BCOR: variants seen among roughly 807,000 people sequenced by gnomAD.
The protein encoded by BCOR is BCL6 corepressor.
BCOR carries 10 observed loss-of-function variants against 86.7 expected under a neutral mutation model. The observed-to-expected ratio is 0.12, with a 90% CI of 0.07 to 0.20. The LOEUF (loss-of-function observed/expected upper bound fraction) is 0.20. Among genes scored for constraint, BCOR ranks in the 10% least tolerant of loss-of-function variants. BCOR has a pLI of 1.00. For missense variants in BCOR, 1,259 were observed against 1,452.1 expected, an observed-to-expected ratio of 0.87 and a Z score of 2.16; for synonymous variants, 611 against 609.0, an observed-to-expected ratio of 1.00 and a Z score of -0.05.
intron 1 of BCOR, among the ~76,000 whole-genome samples, chrX:40,135,139 G>T (rs987625293): frequency 2.7e-5 from 3 of 111,604 alleles, no homozygotes; most frequent in Non-Finnish European, 3.8e-5. Flanking sequence ...CGAATCTTTG[G>T]CCAGCTCATA....
intron 7 of BCOR, 84 bp from the exon 8 acceptor site, chrX:40,064,036 AG>A (rs1195662820): frequency 3.1e-4 from 37 of 121,084 alleles, no homozygotes; most frequent in African/African-American, 1.4e-3. Flanking sequence ...GGGGTGGGGG[AG>A]GGGGGGTGTG....
In BCOR at chrX:40,053,768, G is replaced by A. The variant is rs761038603; in HGVS notation, c.4976+118C>T. 87 of 799,706 alleles carry A rather than the reference G, an allele frequency of 1.1e-4. No individual in the cohort carries two copies. In the East Asian group the frequency reaches 2.0e-3, roughly 18 times the overall value. The allele number at this position is 799,706 out of a possible 1,213,427, so 65.9% of individuals were successfully genotyped here. A position where few individuals can be genotyped will look rare whatever the true frequency, so the allele number is the denominator to read the frequency against. On this transcript the variant is annotated intron_variant, in intron 14 of 14. Transcript: ENST00000378444. ...ATATCTACTGCATTGTGTGAGGTTC[G>A]TGGACAGTTAAGGAGGTCACTCACC... is the stretch of plus-strand genomic sequence containing the variant.
intron 1 of BCOR, among the ~76,000 whole-genome samples, chrX:40,159,562 G>C (rs1938370106): frequency 9.0e-6 from 1 of 111,080 alleles, no homozygotes; most frequent in South Asian, 3.8e-4. Context: ...GTGTTAGCCA[G>C]GATGGTCTCG....
chrX:40,086,880 G>A (rs1253485483), intron 1 of BCOR, among the ~76,000 whole-genome samples: 4 of 113,214 alleles, frequency 3.5e-5, no homozygotes, highest in Non-Finnish European at 7.5e-5. Context: ...CGGAACAAGG[G>A]ACCCCTTCTC....
intron 1 of BCOR, among the ~76,000 whole-genome samples, chrX:40,144,739 G>A (rs919945427): frequency 9.2e-6 from 1 of 108,376 alleles, no homozygotes; most frequent in African/African-American, 3.4e-5. Context: ...CCCCCTCCCC[G>A]CCAAATCCCA....
At chrX:40,176,793 C>G (rs1052456326) in intron 1 of BCOR, among the ~76,000 whole-genome samples, 39 of 112,099 alleles carry the variant, frequency 3.5e-4, no homozygotes, top group Non-Finnish European at 7.2e-4. Flanking sequence ...CGGCCCGGCC[C>G]TTGTCCCAGC....
At position 40,072,341 on chromosome X, in the gene BCOR, G is replaced by T. The variant is rs751656666; in HGVS notation, c.2997+8C>A. On this transcript the variant is annotated splice_region_variant and intron_variant, in intron 4 of 14. Transcript: ENST00000378444. ...TAAAGTAACTGAAATTCAGGTGGGG[G>T]GGCTCACCTGCAATGCCCGTTGCTC... 8.3e-7 allele frequency: 1 copy of T among 1,204,345 alleles called. No individual in the cohort carries two copies. Among genetic ancestry groups the T allele is most frequent in the East Asian group, 3.0e-5 (1 of 33,668 alleles).
intron 1 of BCOR, among the ~76,000 whole-genome samples, chrX:40,092,968 T>C (rs894181077): frequency 1.8e-5 from 2 of 112,473 alleles, no homozygotes; most frequent in Middle Eastern, 4.2e-3. Flanking sequence ...ATTCAGCCTG[T>C]GTATCTAAGC....
chrX:40,063,731 G>C lies in BCOR; in HGVS notation c.3724C>G (p.Gln1242Glu), dbSNP rs1350912215. The C allele has an allele frequency of 8.3e-7, 1 of 1,211,766 alleles. No homozygotes were observed. Among genetic ancestry groups the C allele is most frequent in the Non-Finnish European group, 1.1e-6 (1 of 895,328 alleles). The change falls in exon 8 of 15, where the codon CAG (glutamine) becomes GAG (glutamate). Residue 1242 changes from glutamine (Q) to glutamate (E), a missense_variant. This residue lies in a region of BCOR where 305 missense variants were observed against 286.1 expected (regional missense o/e 1.07). Transcript: ENST00000378444. ...GTCCCCTGAGGAATGGCCTCAGGCTGAGTGGCCTGGGTCACTTCCTTCCTG... is the reference window on the plus strand; with the variant it reads ...GTCCCCTGAGGAATGGCCTCAGGCTCAGTGGCCTGGGTCACTTCCTTCCTG... The part of the protein sequence containing the change: ...QSRKEVTQAT[Q>E]PEAIPQGTNI...
At chrX:40,119,365 A>C (rs1937449319) in intron 1 of BCOR, among the ~76,000 whole-genome samples, 1 of 108,127 alleles carries the variant, frequency 9.2e-6, no homozygotes, top group South Asian at 4.1e-4. Context: ...CAAAGGTTTT[A>C]ATCTGAGTTG....
At position 40,064,604 on chromosome X, in the gene BCOR, G is replaced by A. The variant is rs1935105812; in HGVS notation, c.3239-5C>T. ...TGTTTCCAACACTATACTCGCCTGG[G>A]GGAGGGGAGACAAGAGGGCATTAAT... On this transcript the variant is annotated splice_polypyrimidine_tract_variant and splice_region_variant and intron_variant, in intron 6 of 14. Coordinates refer to ENST00000378444, the MANE Select transcript of BCOR (RefSeq NM_001123385.2). The A allele has an allele frequency of 1.7e-6, 2 of 1,211,926 alleles. No individual in the cohort carries two copies. The highest frequency in any genetic ancestry group is 1.1e-6 in the Non-Finnish European group (1 of 895,338).
rs962127671 is a variant in BCOR, at chrX:40,147,251, C to T, written c.-41+29756G>A. On this transcript the variant is annotated intron_variant, in intron 1 of 14. Transcript: ENST00000342274. Reference sequence around the variant, plus strand: ...AAAGTTGGGAGAGCGCCACAGACCTCGAAGTCTGCCGCAGAAATGTTCCCC... The same window carrying T: ...AAAGTTGGGAGAGCGCCACAGACCTTGAAGTCTGCCGCAGAAATGTTCCCC... Among the ~76,000 whole-genome samples, 3 of 112,532 alleles carry T rather than the reference C, an allele frequency of 2.7e-5. No individual in the cohort carries two copies. The Admixed American group carries it at 2.8e-4, about 11-fold the overall frequency.
intron 10 of BCOR, among the ~76,000 whole-genome samples, chrX:40,058,850 T>C (rs1934728610): frequency 8.9e-6 from 1 of 111,959 alleles, no homozygotes. Context: ...CGCATGAAGC[T>C]GCTGCTCTTT....
chrX:40,140,853 A>T (rs184689809), intron 1 of BCOR, among the ~76,000 whole-genome samples: 1 of 113,244 alleles, frequency 8.8e-6, no homozygotes, highest in African/African-American at 3.2e-5. Flanking sequence ...CTCAGCACAG[A>T]ATGTGATATT....
chrX:40,082,512 G>A (rs1569165780), intron 1 of BCOR, among the ~76,000 whole-genome samples: 2 of 111,263 alleles, frequency 1.8e-5, no homozygotes, highest in Non-Finnish European at 3.8e-5. Context: ...GGAGAGGTTC[G>A]CAAGGGCTTC....
chrX:40,169,341 G>C (rs1440419533), intron 1 of BCOR, among the ~76,000 whole-genome samples: 2 of 112,053 alleles, frequency 1.8e-5, no homozygotes, highest in African/African-American at 6.5e-5. Flanking sequence ...CTATCGACTG[G>C]AACAGGAATT....
chrX:40,132,334 T>G (rs2147913913), intron 1 of BCOR, among the ~76,000 whole-genome samples: 1 of 111,826 alleles, frequency 8.9e-6, no homozygotes, highest in Non-Finnish European at 1.9e-5. Flanking sequence ...TTGGGGTTTT[T>G]TTTGTTTGTT....
In BCOR at chrX:40,063,091, C is replaced by T. The variant is rs1474445948; in HGVS notation, c.3848-20G>A. On this transcript the variant is annotated intron_variant, in intron 8 of 14. Transcript: ENST00000378444. ...GCAAGCCTAAATACGGAGGGGGTGA[C>T]GGGGTGGCGGGCGGATGGGAGACGG... 8.4e-5 allele frequency: 42 copies of T among 498,633 alleles called. 1 individual carries two copies. The highest frequency in any genetic ancestry group is 1.0e-4 in the Non-Finnish European group (41 of 391,411). 41.1% of individuals were successfully genotyped at this position (498,633 alleles called of 1,213,427 possible). A position where few individuals can be genotyped will look rare whatever the true frequency, so the allele number is the denominator to read the frequency against.
chrX:40,161,506 C>CTTT (rs749528691), intron 1 of BCOR, among the ~76,000 whole-genome samples: 73 of 55,979 alleles, frequency 1.3e-3, no homozygotes, highest in African/African-American at 1.9e-3. Context: ...CGATTCTCCC[C>CTTT]TTTTTTTTTT....
Sources: allele counts gnomAD v4.1 joint callset (sites outside exome capture counted in the v4.1 genomes callset), GRCh38; gene constraint gnomAD v4.1.1; regional missense constraint gnomAD v4.1.1; transcripts MANE v1.5; gene names NCBI Gene and HGNC (gene_info 2026-07-23, HGNC 2026-07-21).